Variants in IPCEF1 observed in about 807,000 individuals in gnomAD.
IPCEF1 encodes interaction protein for cytohesin exchange factors 1.
IPCEF1 carries 31 observed loss-of-function variants against 50.9 expected under a neutral mutation model. The observed-to-expected ratio is 0.61, with a 90% CI of 0.46 to 0.82. The LOEUF (loss-of-function observed/expected upper bound fraction) is 0.82. IPCEF1 is among the 40% of genes least tolerant of loss of function. The pLI, the probability that IPCEF1 is intolerant of heterozygous loss-of-function variation, is 0.00. For missense variants in IPCEF1, 458 were observed against 514.0 expected, an observed-to-expected ratio of 0.89 and a Z score of 1.05; for synonymous variants, 181 against 192.0, an observed-to-expected ratio of 0.94 and a Z score of 0.47.
intron 1 of IPCEF1, among the ~76,000 whole-genome samples, chr6:154,311,891 T>C (rs1783086770): frequency 6.6e-6 from 1 of 152,052 alleles, no homozygotes; most frequent in South Asian, 2.1e-4. Context: ...AGTATGGAAG[T>C]TTCTCAAAAA....
At chr6:154,197,456 C>T (rs1005408571) in intron 10 of IPCEF1, among the ~76,000 whole-genome samples, 3 of 152,154 alleles carry the variant, frequency 2.0e-5, no homozygotes, top group Non-Finnish European at 2.9e-5. Context: ...CATATGAGAA[C>T]TGCCAACAAA....
intron 5 of IPCEF1, among the ~76,000 whole-genome samples, chr6:154,230,511 A>T (rs1779634885): frequency 1.3e-5 from 2 of 152,228 alleles, no homozygotes; most frequent in African/African-American, 4.8e-5. Flanking sequence ...TTTGGAAAAT[A>T]TACAAAATTA....
intron 2 of IPCEF1, among the ~76,000 whole-genome samples, chr6:154,281,184 C>CAAA (rs35597942): frequency 4.9e-4 from 29 of 59,136 alleles, no homozygotes; most frequent in East Asian, 1.1e-3. Flanking sequence ...TACTAAAATA[C>CAAA]AAAAAAAAAA....
Position 154,159,937 on chromosome 6 carries a change from T to C in IPCEF1, c.1208A>G (p.Gln403Arg). 1.9e-6 allele frequency: 3 copies of C among 1,613,824 alleles called. No homozygotes were observed. The highest frequency in any genetic ancestry group is 2.5e-6 in the Non-Finnish European group (3 of 1,180,002). ...AGCCCGCTGCTGCTGATAGATGTCC[T>C]GGATCAGCAGGGTGTTCATGACTTT... ...EWKVMNTLLI[Q>R]DIYQQQRASP... The change falls in exon 12 of 12, where the codon CAG becomes CGG. Residue 403 changes from glutamine to arginine, a missense_variant. Transcript: ENST00000367220.
intron 1 of IPCEF1, among the ~76,000 whole-genome samples, chr6:154,316,279 A>G (rs1163880516): frequency 6.6e-6 from 1 of 152,236 alleles, no homozygotes; most frequent in Non-Finnish European, 1.5e-5. Context: ...TGTACACTTA[A>G]TAAACTACAG....
At chr6:154,233,937 C>T (rs919801322) in intron 5 of IPCEF1, among the ~76,000 whole-genome samples, 2 of 152,154 alleles carry the variant, frequency 1.3e-5, no homozygotes, top group African/African-American at 2.4e-5. Flanking sequence ...GGCCGGACGC[C>T]GTGGCTCACA....
intron 1 of IPCEF1, among the ~76,000 whole-genome samples, chr6:154,318,064 G>T (rs1783268407): frequency 6.6e-6 from 1 of 152,144 alleles, no homozygotes; most frequent in South Asian, 2.1e-4. Flanking sequence ...CACACATTAT[G>T]CTGAACAAAA....
At chr6:154,203,839 G>A (rs772786420) in intron 9 of IPCEF1, among the ~76,000 whole-genome samples, 32 of 152,114 alleles carry the variant, frequency 2.1e-4, no homozygotes, top group Non-Finnish European at 3.1e-4. Context: ...GAAGAAAAGC[G>A]CCCCAGAGTT....
intron 1 of IPCEF1, among the ~76,000 whole-genome samples, chr6:154,346,760 A>C (rs548292584): frequency 2.0e-5 from 3 of 152,282 alleles, no homozygotes; most frequent in East Asian, 3.9e-4. Flanking sequence ...GTGAGAACTC[A>C]CTCACTATCA....
At chr6:154,280,954 CTT>C (rs1486143069) in intron 2 of IPCEF1, among the ~76,000 whole-genome samples, 1 of 152,074 alleles carries the variant, frequency 6.6e-6, no homozygotes, top group Non-Finnish European at 1.5e-5. Context: ...AATCCCAACA[CTT>C]TGGGAGGCCA....
intron 9 of IPCEF1, among the ~76,000 whole-genome samples, chr6:154,209,677 T>C (rs1022856180): frequency 6.6e-6 from 1 of 152,018 alleles, no homozygotes; most frequent in Non-Finnish European, 1.5e-5. Context: ...TATATATTTT[T>C]TTTATTTCAT....
chr6:154,179,015 T>C (rs1237772995), intron 10 of IPCEF1, among the ~76,000 whole-genome samples: 1 of 152,232 alleles, frequency 6.6e-6, no homozygotes, highest in Non-Finnish European at 1.5e-5. Flanking sequence ...CACTAAATAC[T>C]CAGGGGATGC....
chr6:154,354,563 C>T (rs1023436804), intron 1 of IPCEF1, among the ~76,000 whole-genome samples: 2 of 151,922 alleles, frequency 1.3e-5, no homozygotes, highest in African/African-American at 4.8e-5. Context: ...TCCACCATCG[C>T]CTCCACAACC....
chr6:154,335,295 G>A (rs530356595), intron 1 of IPCEF1, among the ~76,000 whole-genome samples: 1 of 152,186 alleles, frequency 6.6e-6, no homozygotes, highest in Admixed American at 6.5e-5. Flanking sequence ...TCTTCTCTGT[G>A]CCCCATCTTG....
At chr6:154,289,024 G>T (rs981232597) in intron 2 of IPCEF1, among the ~76,000 whole-genome samples, 5 of 152,044 alleles carry the variant, frequency 3.3e-5, no homozygotes, top group South Asian at 4.1e-4. Flanking sequence ...TCCAGTCTGG[G>T]GGACAAAGTG....
chr6:154,251,809 G>T (rs1212709740), intron 3 of IPCEF1, among the ~76,000 whole-genome samples: 1 of 152,054 alleles, frequency 6.6e-6, no homozygotes, highest in Admixed American at 6.5e-5. Context: ...AGGGGAGGAA[G>T]GAAGGGAGAG....
At chr6:154,198,130 T>A (rs1776771383) in intron 10 of IPCEF1, among the ~76,000 whole-genome samples, 1 of 152,186 alleles carries the variant, frequency 6.6e-6, no homozygotes, top group African/African-American at 2.4e-5. Flanking sequence ...AGGAATGCAT[T>A]CCTTTCCAAG....
rs1355638865 is a variant in IPCEF1 at position 154,199,981 on chromosome 6, A to G, written c.597T>C (p.Ser199=). 6.2e-7 allele frequency: 1 copy of G among 1,614,098 alleles called. No homozygotes were observed. The highest frequency in any genetic ancestry group is 8.5e-7 in the Non-Finnish European group (1 of 1,180,022). Residue 199 remains serine (S), a synonymous_variant, in exon 10 of 12, where the codon TCT becomes TCC. Coordinates refer to ENST00000367220, the MANE Select transcript of IPCEF1 (RefSeq NM_001130700.2). The part of the protein sequence containing the change: ...PSLSGTSYSF[S]SLENTVKTPS... Reference sequence around the variant, plus strand: ...GTGTCTTCACTGTATTTTCCAGGGAAGAGAAAGAATACGACGTTCCACTCA... The same window carrying G: ...GTGTCTTCACTGTATTTTCCAGGGAGGAGAAAGAATACGACGTTCCACTCA...
At chr6:154,247,920 T>C (rs1466254174) in intron 3 of IPCEF1, among the ~76,000 whole-genome samples, 1 of 152,212 alleles carries the variant, frequency 6.6e-6, no homozygotes, top group African/African-American at 2.4e-5. Context: ...ATTGTTACAA[T>C]CTCAAAATAT....
Sources: allele counts gnomAD v4.1 joint callset (sites outside exome capture counted in the v4.1 genomes callset), GRCh38; gene constraint gnomAD v4.1.1; transcripts MANE v1.5; gene names NCBI Gene and HGNC (gene_info 2026-07-23, HGNC 2026-07-21).